ANTXR1: variants seen among roughly 807,000 people sequenced by gnomAD.
ANTXR1 encodes the protein anthrax toxin receptor 1.
Under a neutral mutation model 78.1 loss-of-function variants are expected in ANTXR1, and 19 were observed. The observed-to-expected ratio is 0.24, with a 90% CI of 0.17 to 0.36. ANTXR1 has a LOEUF of 0.36. ANTXR1 is among the 10% of genes least tolerant of loss of function. ANTXR1 has a pLI of 1.00. For synonymous variants in ANTXR1, 273 were observed against 260.5 expected, an observed-to-expected ratio of 1.05 and a Z score of -0.46; for missense variants, 518 against 718.6, an observed-to-expected ratio of 0.72 and a Z score of 3.19.
intron 8 of ANTXR1, among the ~76,000 whole-genome samples, chr2:69,080,283 A>T (rs1043376639): frequency 6.6e-6 from 1 of 152,094 alleles, no homozygotes; most frequent in African/African-American, 2.4e-5. Context: ...TAAGAAGTAG[A>T]TTCATTTCCC....
intron 16 of ANTXR1, among the ~76,000 whole-genome samples, chr2:69,189,227 A>C (rs1573965265): frequency 1.3e-5 from 2 of 152,214 alleles, no homozygotes; most frequent in Non-Finnish European, 2.9e-5. Context: ...GGAACTAGCT[A>C]ATCTCGCCTT....
At chr2:69,014,704 C>T (rs1240807013) in intron 1 of ANTXR1, among the ~76,000 whole-genome samples, 1 of 152,120 alleles carries the variant, frequency 6.6e-6, no homozygotes, top group Non-Finnish European at 1.5e-5. Flanking sequence ...TTTGCTGTTA[C>T]AGTGGTGGGG....
chr2:69,108,458 A>T (rs1027033853), intron 10 of ANTXR1, among the ~76,000 whole-genome samples: 1 of 152,226 alleles, frequency 6.6e-6, no homozygotes, highest in South Asian at 2.1e-4. Flanking sequence ...AACAACAAAT[A>T]AATTCTTTTA....
Position 69,248,579 on chromosome 2 carries a change from GATTA to G in ANTXR1, c.*3101_*3104del, listed in dbSNP as rs1456855404. On this transcript the variant is annotated 3_prime_UTR_variant, in exon 18 of 18. Coordinates refer to ENST00000303714, the MANE Select transcript of ANTXR1 (RefSeq NM_032208.3). ...ACCAAAGTTGAGAACAGAGCTGGTGGATTAATTAATAGTCTTCGATATCTGGCCA... is the reference window on the plus strand; with the variant it reads ...ACCAAAGTTGAGAACAGAGCTGGTGGATTAATAGTCTTCGATATCTGGCCA... 2.0e-5 allele frequency: 3 copies of G among 152,458 alleles called. No homozygotes were observed. The highest frequency in any genetic ancestry group is 4.4e-5 in the Non-Finnish European group (3 of 68,038). The allele number at this position is 152,458 out of a possible 1,614,324, so 9.4% of individuals were successfully genotyped here. A position where few individuals can be genotyped will look rare whatever the true frequency, so the allele number is the denominator to read the frequency against.
intron 16 of ANTXR1, among the ~76,000 whole-genome samples, chr2:69,191,159 A>C (rs1393630602): frequency 6.6e-6 from 1 of 152,258 alleles, no homozygotes; most frequent in Non-Finnish European, 1.5e-5. Flanking sequence ...AGTTCTATCC[A>C]GCATTCTAAA....
At chr2:69,069,849 G>A (rs1197153260) in intron 3 of ANTXR1, among the ~76,000 whole-genome samples, 14 of 152,128 alleles carry the variant, frequency 9.2e-5, no homozygotes, top group Admixed American at 9.2e-4. Context: ...GACCCCAGCA[G>A]GAGGAAGGCA....
intron 3 of ANTXR1, among the ~76,000 whole-genome samples, chr2:69,059,640 G>A (rs918442804): frequency 2.0e-5 from 3 of 152,168 alleles, no homozygotes; most frequent in South Asian, 2.1e-4. Flanking sequence ...CACTATGCCC[G>A]GCTAATTTGA....
intron 10 of ANTXR1, among the ~76,000 whole-genome samples, chr2:69,119,160 G>A (rs779640211): frequency 5.3e-5 from 8 of 152,194 alleles, no homozygotes; most frequent in Non-Finnish European, 8.8e-5. Flanking sequence ...CAGTTGGGAT[G>A]GAGGAAGGAG....
At chr2:69,219,788 T>C (rs541793981) in intron 17 of ANTXR1, among the ~76,000 whole-genome samples, 18 of 152,294 alleles carry the variant, frequency 1.2e-4, no homozygotes, top group African/African-American at 4.3e-4. Context: ...ATCAAGTCAT[T>C]GTCCTAGAAA....
rs368667449 is a variant in ANTXR1, at chr2:69,234,734, G to C, written c.1435-10491G>C. Among the ~76,000 whole-genome samples, 10 of 152,188 alleles carry C rather than the reference G, an allele frequency of 6.6e-5. No individual in the cohort carries two copies. The East Asian group carries it at 1.5e-3, about 24-fold the overall frequency. ...GCTGAGATTGCACCATTGCACTCCA[G>C]CCTGGGCAACAAGAGCAAAACTCCG... On this transcript the variant is annotated intron_variant, in intron 17 of 17. Coordinates refer to ENST00000303714, the MANE Select transcript of ANTXR1 (RefSeq NM_032208.3).
intron 16 of ANTXR1, among the ~76,000 whole-genome samples, chr2:69,190,249 C>T (rs190621633): frequency 6.6e-6 from 1 of 152,302 alleles, no homozygotes. Flanking sequence ...AGTGTCAAGG[C>T]ATTTGGCAGT....
intron 2 of ANTXR1, among the ~76,000 whole-genome samples, chr2:69,044,290 T>C (rs1256021279): frequency 1.3e-5 from 2 of 152,090 alleles, no homozygotes; most frequent in African/African-American, 2.4e-5. Flanking sequence ...CAAAGGGAGT[T>C]TGTTATATAA....
rs144610201 is a variant in ANTXR1 at position 69,055,008 on chromosome 2, T to C, written c.296+10195T>C. On this transcript the variant is annotated intron_variant, in intron 3 of 17. Transcript: ENST00000303714. ...CTCTGTGCCTCAGTTTTCTTATCTA[T>C]AAAGTGAATGCAATGATGACCCCAC... Among the ~76,000 whole-genome samples the C allele has an allele frequency of 7.9e-5, 12 of 152,230 alleles. No homozygotes were observed. In the East Asian group the frequency reaches 2.3e-3, roughly 29 times the overall value.
At chr2:69,133,911 C>T (rs190844881) in intron 12 of ANTXR1, among the ~76,000 whole-genome samples, 197 of 152,280 alleles carry the variant, frequency 1.3e-3, no homozygotes, top group Admixed American at 3.7e-3. Context: ...AATCATGGTT[C>T]TGCTGCTTAC....
At chr2:69,144,057 C>A (rs1424749392) in intron 12 of ANTXR1, among the ~76,000 whole-genome samples, 1 of 152,160 alleles carries the variant, frequency 6.6e-6, no homozygotes, top group Non-Finnish European at 1.5e-5. Flanking sequence ...TTTCATCTTT[C>A]AAAATAAAAA....
At chr2:69,062,999 A>G (rs556572447) in intron 3 of ANTXR1, among the ~76,000 whole-genome samples, 1 of 152,250 alleles carries the variant, frequency 6.6e-6, no homozygotes, top group African/African-American at 2.4e-5. Flanking sequence ...AAAGGGATTA[A>G]TAAGTTTAAA....
chr2:69,230,241 G>A (rs968425882), intron 17 of ANTXR1, among the ~76,000 whole-genome samples: 3 of 151,756 alleles, frequency 2.0e-5, no homozygotes, highest in Non-Finnish European at 4.4e-5. Flanking sequence ...TTTATATAGT[G>A]CTATGAGATT....
intron 8 of ANTXR1, among the ~76,000 whole-genome samples, chr2:69,079,901 G>C (rs1670849998): frequency 6.6e-6 from 1 of 152,170 alleles, no homozygotes; most frequent in African/African-American, 2.4e-5. Context: ...AATCAGTGTT[G>C]TCCTTGAATA....
intron 3 of ANTXR1, among the ~76,000 whole-genome samples, chr2:69,047,342 G>A (rs1049295064): frequency 2.0e-5 from 3 of 150,186 alleles, no homozygotes; most frequent in Non-Finnish European, 2.9e-5. Flanking sequence ...GAATAATAAT[G>A]CCTACGATTT....
Sources: gnomAD v4.1 joint callset for allele counts (sites outside exome capture counted in the v4.1 genomes callset) on GRCh38, gnomAD v4.1.1 for gene constraint, MANE v1.5 for transcripts, NCBI Gene and HGNC (gene_info 2026-07-23, HGNC 2026-07-21) for gene names.